EML2: variants seen among roughly 807,000 people sequenced by gnomAD.
EML2 encodes the protein echinoderm microtubule-associated protein-like 2.
In EML2, 59 loss-of-function variants were observed where a neutral mutation model predicts 84.7. The ratio of observed to expected loss-of-function variants is 0.70; its 90% confidence interval spans 0.56 to 0.86. EML2 has a LOEUF of 0.86. Ranked by LOEUF, EML2 falls within the 40% of genes least tolerant of loss-of-function variation. EML2 has a pLI of 0.00. For synonymous variants in EML2, 352 were observed against 348.9 expected (o/e 1.01, Z -0.10); for missense variants, 818 against 855.6 (o/e 0.96, Z 0.55).
At chr19:45,617,558 A>G in intron 13 of EML2, 72 bp downstream of exon 13, 1 of 1,373,220 alleles carries the variant, frequency 7.3e-7, no homozygotes. Context: ...TTGGGAAAGT[A>G]GGAAAGAGGG....
At chr19:45,641,140 C>G (rs145091858), upstream of EML2, 1 of 155,794 alleles carries the variant, frequency 6.4e-6, no homozygotes, top group Admixed American at 6.3e-5. Context: ...TGGCAGTGCC[C>G]CCCGATTTTG....
chr19:45,631,110 G>C (rs1199113706), intron 6 of EML2, among the ~76,000 whole-genome samples: 5 of 152,196 alleles, frequency 3.3e-5, no homozygotes, highest in Admixed American at 3.3e-4. Flanking sequence ...ACCTTCCAAA[G>C]TGCTGGGATT....
At chr19:45,630,294 C>T (rs191947866) in intron 6 of EML2, among the ~76,000 whole-genome samples, 1 of 152,166 alleles carries the variant, frequency 6.6e-6, no homozygotes, top group East Asian at 1.9e-4. Flanking sequence ...TGGCTCACAC[C>T]TGTAATCCCA....
chr19:45,645,593 C>T, upstream of EML2: 1 of 719,736 alleles, frequency 1.4e-6, no homozygotes, highest in Non-Finnish European at 2.1e-6. Flanking sequence ...CCCGGATCCC[C>T]CTAGGTACCG....
At chr19:45,645,067 A>C, upstream of EML2, 1 of 622,218 alleles carries the variant, frequency 1.6e-6, no homozygotes, top group Non-Finnish European at 2.8e-6. Flanking sequence ...CCTCGGGAGT[A>C]CAGAAGGATC....
At position 45,632,902 on chromosome 19, in the gene EML2, C is replaced by A. The variant is rs776949169; in HGVS notation, c.469G>T (p.Val157Leu). ...LSTLHVLGLG[V>L]FDRAVCCVGF... ...ACACAGCACACGGCTCTGTCAAACA[C>A]CCCCAAGCCCAGCACGTGTAAGGTG... Residue 157 changes from valine to leucine, a missense_variant, in exon 6 of 19, where the codon GTG (valine) becomes TTG (leucine). Val to Leu is a conservative substitution (Grantham distance 32). Coordinates refer to ENST00000245925, the MANE Select transcript of EML2 (RefSeq NM_012155.4). The A allele has an allele frequency of 6.8e-6, 11 of 1,614,072 alleles. No individual in the cohort carries two copies. The Admixed American group carries it at 1.3e-4, about 20-fold the overall frequency.
chr19:45,645,567 GC>G, upstream of EML2: 1 of 913,748 alleles, frequency 1.1e-6, no homozygotes, highest in Non-Finnish European at 1.6e-6. Context: ...CAATCCTAGG[GC>G]CAGGATTGGC....
At chr19:45,620,218 A>G (rs932843313) in intron 11 of EML2, among the ~76,000 whole-genome samples, 3 of 151,772 alleles carry the variant, frequency 2.0e-5, no homozygotes, top group Non-Finnish European at 2.9e-5. Context: ...GGTTCAAGCA[A>G]TTCTCCTGCC....
chr19:45,609,518 G>A lies in EML2; in HGVS notation c.*145C>T, dbSNP rs2122567984. The stretch of plus-strand genomic sequence containing the variant: ...CTCCCTCTTCCCACCCGGATAAATA[G>A]AGACTTCTGTATGTCAGTCTACCCT... On this transcript the variant is annotated 3_prime_UTR_variant, in exon 19 of 19. Transcript: ENST00000245925. 1 of 885,612 alleles carries A rather than the reference G, an allele frequency of 1.1e-6. No homozygotes were observed. Among genetic ancestry groups the A allele is most frequent in the Non-Finnish European group, 1.5e-6 (1 of 651,726 alleles). 54.9% of individuals were successfully genotyped at this position (885,612 alleles called of 1,614,324 possible). A position where few individuals can be genotyped will look rare whatever the true frequency, so the allele number is the denominator to read the frequency against.
chr19:45,632,323 G>A (rs565250550), intron 6 of EML2, among the ~76,000 whole-genome samples: 5 of 151,914 alleles, frequency 3.3e-5, no homozygotes, highest in African/African-American at 1.2e-4. Flanking sequence ...GAGTAGCTGG[G>A]ACGCCACCAC....
In EML2 at chr19:45,630,279, C is replaced by T. The variant is rs189027604; in HGVS notation, c.511-233G>A. Among the ~76,000 whole-genome samples the T allele has an allele frequency of 1.1e-3, 168 of 152,078 alleles. 1 individual carries two copies. The highest frequency in any genetic ancestry group is 3.6e-3 in the African/African-American group (148 of 41,492). ...TATTAAAAAAAAATAAAAAGCCAGG[C>T]GTGGTGGCTCACACCTGTAATCCCA... On this transcript the variant is annotated intron_variant, in intron 6 of 18. Transcript: ENST00000245925.
intron 16 of EML2, 67 bp downstream of exon 16, chr19:45,615,735 C>T: frequency 2.1e-6 from 3 of 1,402,000 alleles, no homozygotes; most frequent in Non-Finnish European, 3.0e-6. Context: ...TCCCTCCCCT[C>T]CCAGAACTCA....
At chr19:45,618,185 T>C (rs1403224312) in intron 12 of EML2, among the ~76,000 whole-genome samples, 1 of 151,816 alleles carries the variant, frequency 6.6e-6, no homozygotes, top group Non-Finnish European at 1.5e-5. Flanking sequence ...TGGCTCAGCC[T>C]CCCAAGTAGC....
intron 9 of EML2, chr19:45,623,543 T>C (rs1437798836): frequency 6.6e-6 from 1 of 151,060 alleles, no homozygotes; most frequent in African/African-American, 2.5e-5. Context: ...AAAAATTCTT[T>C]ATTAAAAAAA....
At position 45,621,482 on chromosome 19, in the gene EML2, C is replaced by T; in HGVS notation, c.996+1G>A. 6.2e-7 allele frequency: 1 copy of T among 1,609,626 alleles called. No homozygotes were observed. Among genetic ancestry groups the T allele is most frequent in the East Asian group, 2.2e-5 (1 of 44,850 alleles). On this transcript the variant is annotated splice_donor_variant, in intron 10 of 18. Transcript: ENST00000245925. LOFTEE classifies it high-confidence loss of function. Reference sequence around the variant, plus strand: ...CATCTGAGCCCACTGCCCCTCCTCACCTCCACTTCCTGCAGCTTGCTGTAG... The same window carrying T: ...CATCTGAGCCCACTGCCCCTCCTCATCTCCACTTCCTGCAGCTTGCTGTAG...
chr19:45,625,757 G>A (rs12608710), intron 8 of EML2, among the ~76,000 whole-genome samples: 31,559 of 152,162 alleles, frequency 0.21, 3,547 homozygotes, highest in East Asian at 0.3. Flanking sequence ...ATGGGAGGAA[G>A]CCCTGTGTCT....
intron 12 of EML2, among the ~76,000 whole-genome samples, chr19:45,618,198 A>G (rs1971298761): frequency 6.6e-6 from 1 of 150,382 alleles, no homozygotes; most frequent in African/African-American, 2.4e-5. Flanking sequence ...CAAGTAGCTG[A>G]CATTACAGGC....
chr19:45,639,660 C>T (rs971451717), upstream of EML2, among the ~76,000 whole-genome samples: 9 of 152,130 alleles, frequency 5.9e-5, no homozygotes, highest in Non-Finnish European at 8.8e-5. Context: ...ACAGGTCGTC[C>T]AACCTCTGCC....
At chr19:45,633,867 C>T (rs1426744063) in intron 4 of EML2, among the ~76,000 whole-genome samples, 1 of 152,222 alleles carries the variant, frequency 6.6e-6, no homozygotes, top group Non-Finnish European at 1.5e-5. Flanking sequence ...GCCTTGGCCT[C>T]CCAAAGTGCT....
Sources: allele counts gnomAD v4.1 joint callset (sites outside exome capture counted in the v4.1 genomes callset), GRCh38; gene constraint gnomAD v4.1.1; transcripts MANE v1.5; gene names NCBI Gene and HGNC (gene_info 2026-07-23, HGNC 2026-07-21).